LDLRAD4: variants seen among roughly 807,000 people sequenced by gnomAD.
LDLRAD4 encodes the protein low density lipoprotein receptor class A domain containing 4.
A neutral mutation model predicts 17.0 loss-of-function variants in LDLRAD4; 5 were observed. The ratio of observed to expected loss-of-function variants is 0.29; its 90% CI spans 0.15 to 0.62. LDLRAD4 has a LOEUF of 0.62. Among genes scored for constraint, LDLRAD4 ranks in the 20% least tolerant of loss-of-function variants. LDLRAD4 has a pLI of 0.84. For missense variants in LDLRAD4, 340 were observed against 424.7 expected, an observed-to-expected ratio of 0.80 and a Z score of 1.75; for synonymous variants, 168 against 171.8, an observed-to-expected ratio of 0.98 and a Z score of 0.17.
chr18:13,347,033 A>G (rs1226123369), intron 1 of LDLRAD4, among the ~76,000 whole-genome samples: 3 of 152,154 alleles, frequency 2.0e-5, no homozygotes, highest in African/African-American at 7.2e-5. Context: ...CCAATTTGCC[A>G]GTCTGTGTTT....
rs375413505 is a variant in LDLRAD4, at chr18:13,417,987, G to A, written c.41-20257G>A. On this transcript the variant is annotated intron_variant, in intron 2 of 5. Coordinates refer to ENST00000359446, the Ensembl canonical transcript of LDLRAD4. ...TTATCCACGGAGGAAGTGAGGACCCGGAGGTGGGAGGCTTCCCCAGCAACA... is the reference window on the plus strand; with the variant it reads ...TTATCCACGGAGGAAGTGAGGACCCAGAGGTGGGAGGCTTCCCCAGCAACA... 1.5e-4 allele frequency among the ~76,000 whole-genome samples: 23 copies of A among 152,312 alleles called. No individual in the cohort carries two copies. In the East Asian group the frequency reaches 2.1e-3, roughly 14 times the overall value.
At chr18:13,582,837 CA>C (rs2094882199) in intron 3 of LDLRAD4, among the ~76,000 whole-genome samples, 1 of 152,202 alleles carries the variant, frequency 6.6e-6, no homozygotes, top group Non-Finnish European at 1.5e-5. Context: ...CTCAGCCTCC[CA>C]AGTAGCTAGG....
intron 3 of LDLRAD4, among the ~76,000 whole-genome samples, chr18:13,535,004 A>G (rs1440516614): frequency 2.0e-5 from 3 of 152,156 alleles, no homozygotes; most frequent in African/African-American, 7.2e-5. Context: ...GTGTGTTTCC[A>G]TGGTTCATTC....
intron 3 of LDLRAD4, chr18:13,488,021 T>C (rs1348508356): frequency 6.6e-6 from 1 of 152,486 alleles, no homozygotes; most frequent in African/African-American, 2.4e-5. Flanking sequence ...TTCAGTGAGC[T>C]GCCTGGGCTC....
At chr18:13,252,330 T>TG (rs2043264803) in intron 1 of LDLRAD4, among the ~76,000 whole-genome samples, 1 of 152,206 alleles carries the variant, frequency 6.6e-6, no homozygotes, top group Non-Finnish European at 1.5e-5. Flanking sequence ...GGTTTCATCA[T>TG]GTTGGTCAGG....
chr18:13,373,357 T>C (rs940952242), intron 1 of LDLRAD4, among the ~76,000 whole-genome samples: 1 of 152,188 alleles, frequency 6.6e-6, no homozygotes, highest in Admixed American at 6.5e-5. Flanking sequence ...ATATGTGTAT[T>C]TTTGCTTCAG....
intron 2 of LDLRAD4, among the ~76,000 whole-genome samples, chr18:13,394,808 G>A (rs570665530): frequency 1.8e-4 from 28 of 152,350 alleles, no homozygotes; most frequent in African/African-American, 6.7e-4. Context: ...GAAAATGGGG[G>A]CTTTTGTTCA....
intron 3 of LDLRAD4, among the ~76,000 whole-genome samples, chr18:13,544,164 T>C (rs2094326004): frequency 6.6e-6 from 1 of 152,250 alleles, no homozygotes; most frequent in Admixed American, 6.5e-5. Flanking sequence ...AGAAATGAGA[T>C]TGGGAAACTT....
At chr18:13,375,504 G>A (rs902097261) in intron 1 of LDLRAD4, among the ~76,000 whole-genome samples, 2 of 152,202 alleles carry the variant, frequency 1.3e-5, no homozygotes, top group Admixed American at 1.3e-4. Context: ...TCTGTGTGTT[G>A]GGCTGGAAAT....
chr18:13,431,915 C>A (rs1259612228), intron 2 of LDLRAD4, among the ~76,000 whole-genome samples: 2 of 152,146 alleles, frequency 1.3e-5, no homozygotes, highest in South Asian at 2.1e-4. Flanking sequence ...AGTTTATGAA[C>A]GGGAATGTCA....
At chr18:13,464,132 C>T (rs1044829992) in intron 3 of LDLRAD4, among the ~76,000 whole-genome samples, 8 of 152,194 alleles carry the variant, frequency 5.3e-5, no homozygotes, top group Non-Finnish European at 8.8e-5. Context: ...ACAAGCCTTT[C>T]AAGTACAAAT....
At chr18:13,641,645 C>A in intron 4 of LDLRAD4, 1 of 506,268 alleles carries the variant, frequency 2.0e-6, no homozygotes, top group Non-Finnish European at 2.6e-6. Context: ...GGGAGAGAGG[C>A]GGCGGCCCAG....
chr18:13,246,847 C>T (rs12455455), intron 1 of LDLRAD4, among the ~76,000 whole-genome samples: 58,799 of 152,058 alleles, frequency 0.39, 13,443 homozygotes, highest in South Asian at 0.54. Context: ...AGACAAACAG[C>T]CCTGCAGGTA....
At chr18:13,223,025 C>T (rs1233949131) in intron 1 of LDLRAD4, among the ~76,000 whole-genome samples, 2 of 152,226 alleles carry the variant, frequency 1.3e-5, no homozygotes, top group Non-Finnish European at 2.9e-5. Context: ...AATGTACTTT[C>T]ATCTGGGCAA....
intron 3 of LDLRAD4, among the ~76,000 whole-genome samples, chr18:13,518,590 T>G (rs1207649730): frequency 2.0e-5 from 3 of 152,226 alleles, no homozygotes; most frequent in Non-Finnish European, 2.9e-5. Context: ...GTTTCTTGTT[T>G]GTTTTGTGAT....
At chr18:13,458,933 G>C (rs943188871) in intron 3 of LDLRAD4, among the ~76,000 whole-genome samples, 1 of 152,178 alleles carries the variant, frequency 6.6e-6, no homozygotes, top group African/African-American at 2.4e-5. Context: ...AGAGCTCTGG[G>C]AAGGAACACA....
At chr18:13,612,807 AT>A in intron 3 of LDLRAD4, 1 of 1,613,348 alleles carries the variant, frequency 6.2e-7, no homozygotes, top group Non-Finnish European at 8.5e-7. Context: ...TGGATGATGC[AT>A]GCTCTTTCGG....
chr18:13,349,206 A>G (rs1038700076), intron 1 of LDLRAD4, among the ~76,000 whole-genome samples: 1 of 152,224 alleles, frequency 6.6e-6, no homozygotes, highest in African/African-American at 2.4e-5. Flanking sequence ...CTATTTGGCT[A>G]TCTTGGCTCC....
In LDLRAD4 at chr18:13,387,694, T is replaced by A. The variant is rs367734859; in HGVS notation, c.-29T>A. On this transcript the variant is annotated 5_prime_UTR_variant, in exon 2 of 6. It adds an upstream start codon to the 5' untranslated region. Transcript: ENST00000359446. ...CTTCCTCGACGGGACAGCGCAAGAG[T>A]TGGAGCACAGGCTTGTCCGGGGAGC... 6.2e-7 allele frequency: 1 copy of A among 1,612,704 alleles called. No homozygotes were observed. The highest frequency in any genetic ancestry group is 1.3e-5 in the African/African-American group (1 of 74,872).
Sources: gnomAD v4.1 joint callset for allele counts (sites outside exome capture counted in the v4.1 genomes callset) on GRCh38, gnomAD v4.1.1 for gene constraint, MANE v1.5 for transcripts, NCBI Gene and HGNC (gene_info 2026-07-23, HGNC 2026-07-21) for gene names.